BDKRB2: variants seen among roughly 807,000 people sequenced by gnomAD.
The protein encoded by BDKRB2 is B2 bradykinin receptor.
Under a neutral mutation model 4.0 loss-of-function variants are expected in BDKRB2, and 6 were observed. The observed-to-expected ratio is 1.49, with a 90% CI of 0.81 to 2.93. BDKRB2 has a LOEUF of 2.93. Among genes scored for constraint, BDKRB2 ranks in the 30% most tolerant of loss-of-function variants. The pLI, the probability that BDKRB2 is intolerant of heterozygous loss-of-function variation, is 0.00. For synonymous variants in BDKRB2, 225 were observed against 215.3 expected (o/e 1.05, Z -0.40); for missense variants, 478 against 520.1 (o/e 0.92, Z 0.79).
chr14:96,239,307 C>T, intron 2 of BDKRB2: 1 of 972,444 alleles, frequency 1.0e-6, no homozygotes, highest in Non-Finnish European at 1.2e-6. Context: ...AGGATGAGAG[C>T]AATACCCTAC....
chr14:96,240,417 A>G lies in BDKRB2; in HGVS notation c.89A>G (p.Asn30Ser). 1 of 1,459,424 alleles carries G rather than the reference A, an allele frequency of 6.9e-7. No individual in the cohort carries two copies. The highest frequency in any genetic ancestry group is 2.5e-5 in the East Asian group (1 of 40,766). The allele number at this position is 1,459,424 out of a possible 1,614,324, so 90.4% of individuals were successfully genotyped here. A position where few individuals can be genotyped will look rare whatever the true frequency, so the allele number is the denominator to read the frequency against. ...CTTTCTTTCAGCGCCGACATGCTCA[A>G]TGTCACCTTGCAAGGGCCCACTCTT... ...TTASFSADMLNVTLQGPTLNG... is the reference protein window; with the variant it reads ...TTASFSADMLSVTLQGPTLNG... The change falls in exon 3 of 3, where the codon AAT (asparagine) becomes AGT (serine). Residue 30 changes from asparagine to serine, a missense_variant. Coordinates refer to ENST00000554311, the MANE Select transcript of BDKRB2 (RefSeq NM_001379692.1).
intron 1 of BDKRB2, among the ~76,000 whole-genome samples, chr14:96,219,192 C>T (rs1245053906): frequency 6.6e-6 from 1 of 151,838 alleles, no homozygotes; most frequent in African/African-American, 2.4e-5. Flanking sequence ...ATCCCAGCTA[C>T]TCAGAAGGCT....
At position 96,243,085 on chromosome 14, in the gene BDKRB2, A is replaced by T. The variant is rs113227624; in HGVS notation, c.*1581A>T. 16,732 of 151,932 alleles carry T rather than the reference A, an allele frequency of 0.11. 1,224 individuals are homozygous for T. The highest frequency in any genetic ancestry group is 0.2 in the Middle Eastern group (59 of 296). 9.4% of individuals were successfully genotyped at this position (151,932 alleles called of 1,614,324 possible). ...GGGGCTAGAACCTAGAGAAGCTAAA[A>T]CCTGAGCTAGAAGCTGGAGGACTAG... On this transcript the variant is annotated 3_prime_UTR_variant, in exon 3 of 3. Coordinates refer to ENST00000554311, the MANE Select transcript of BDKRB2 (RefSeq NM_001379692.1).
Position 96,240,962 on chromosome 14 carries a change from G to A in BDKRB2, c.634G>A (p.Val212Ile), listed in dbSNP as rs199803197. Residue 212 changes from valine to isoleucine, a missense_variant, in exon 3 of 3, where the codon GTC (valine) becomes ATC (isoleucine). By Grantham distance (29) the Val-to-Ile change is conservative. Transcript: ENST00000554311. Reference protein sequence around the residue: ...SDEGHNVTACVISYPSLIWEV... With the variant: ...SDEGHNVTACIISYPSLIWEV... ...TGAGGGCCACAACGTCACCGCTTGT[G>A]TCATCAGCTACCCATCCCTCATCTG... 1 of 1,593,952 alleles carries A rather than the reference G, an allele frequency of 6.3e-7. No homozygotes were observed.
At position 96,241,327 on chromosome 14, in the gene BDKRB2, G is replaced by C; in HGVS notation, c.999G>C (p.Val333=). Residue 333 remains valine, a synonymous_variant, in exon 3 of 3, where the codon GTG becomes GTC. Transcript: ENST00000554311. Reference sequence around the variant, plus strand: ...GCTGCCTCAACCCACTGGTGTACGTGATCGTGGGCAAGCGCTTCCGAAAGA... The same window carrying C: ...GCTGCCTCAACCCACTGGTGTACGTCATCGTGGGCAAGCGCTTCCGAAAGA... ...SNSCLNPLVY[V]IVGKRFRKKS... is the part of the protein sequence containing the mutation. 8.1e-6 allele frequency: 13 copies of C among 1,614,024 alleles called. No homozygotes were observed. Among genetic ancestry groups the C allele is most frequent in the Non-Finnish European group, 9.3e-6 (11 of 1,179,944 alleles).
intron 1 of BDKRB2, among the ~76,000 whole-genome samples, chr14:96,229,221 T>C (rs1195690988): frequency 6.6e-6 from 1 of 152,094 alleles, no homozygotes; most frequent in African/African-American, 2.4e-5. Flanking sequence ...CTATAATAAA[T>C]GTTATAGAAG....
intron 1 of BDKRB2, among the ~76,000 whole-genome samples, chr14:96,216,827 A>C (rs995643243): frequency 6.6e-6 from 1 of 150,682 alleles, no homozygotes; most frequent in African/African-American, 2.4e-5. Context: ...GAGGAGGAGG[A>C]GATCCTACAG....
intron 1 of BDKRB2, among the ~76,000 whole-genome samples, chr14:96,205,476 A>C (rs1379093270): frequency 2.2e-5 from 3 of 139,432 alleles, no homozygotes; most frequent in Non-Finnish European, 4.6e-5. Flanking sequence ...GGGTTAAATC[A>C]GAAGCAGGCG....
At chr14:96,233,619 C>T (rs1444355208) in intron 1 of BDKRB2, 3 of 152,146 alleles carry the variant, frequency 2.0e-5, no homozygotes, top group East Asian at 3.9e-4. Context: ...GTAGCGTGCC[C>T]TGAATCATTG....
At chr14:96,222,128 C>T (rs1390918335) in intron 1 of BDKRB2, among the ~76,000 whole-genome samples, 1 of 152,052 alleles carries the variant, frequency 6.6e-6, no homozygotes. Context: ...CTCACAGCAT[C>T]AGGGAAACAT....
Position 96,224,006 on chromosome 14 carries a change from T to C in BDKRB2, c.-39-13063T>C, listed in dbSNP as rs115405809. 9.3e-3 allele frequency among the ~76,000 whole-genome samples: 1,412 copies of C among 152,250 alleles called. 34 individuals carry two copies. Among genetic ancestry groups the C allele is most frequent in the African/African-American group, 0.032 (1,341 of 41,486 alleles). On this transcript the variant is annotated intron_variant, in intron 1 of 2. Transcript: ENST00000554311. Reference sequence around the variant, plus strand: ...GATAGTTGATGCCATTTAGGAATTATTGTCAGTTTCTTCGAGATGTGATAA... The same window carrying C: ...GATAGTTGATGCCATTTAGGAATTACTGTCAGTTTCTTCGAGATGTGATAA...
In BDKRB2 at chr14:96,207,794, A is replaced by G. The variant is rs546991976; in HGVS notation, c.-40+2835A>G. On this transcript the variant is annotated intron_variant, in intron 1 of 2. Transcript: ENST00000554311. ...TCTTTAAAAAAAAAAAGGCACACAG[A>G]GCAGATCTGCATGTTGTTTTGAGGA... Among the ~76,000 whole-genome samples, 56 of 152,062 alleles carry G rather than the reference A, an allele frequency of 3.7e-4. No individual in the cohort carries two copies. The South Asian group carries it at 8.5e-3, about 23-fold the overall frequency.
intron 1 of BDKRB2, among the ~76,000 whole-genome samples, chr14:96,211,535 G>A (rs1466441001): frequency 6.6e-6 from 1 of 152,254 alleles, no homozygotes; most frequent in Admixed American, 6.5e-5. Flanking sequence ...GCCTGCAGAT[G>A]AGGGATCTGT....
In BDKRB2 at chr14:96,209,858, C is replaced by A. The variant is rs61211508; in HGVS notation, c.-40+4899C>A. Among the ~76,000 whole-genome samples the A allele has an allele frequency of 0.014, 2,109 of 152,104 alleles. 148 individuals carry two copies. In the East Asian group the frequency reaches 0.2, roughly 14 times the overall value. Reference sequence around the variant, plus strand: ...TAAAAATACAAAAACTAGCCAGGCACGGTGGTGCATGCCTGTAGTCCTAGC... The same window carrying A: ...TAAAAATACAAAAACTAGCCAGGCAAGGTGGTGCATGCCTGTAGTCCTAGC... On this transcript the variant is annotated intron_variant, in intron 1 of 2. Transcript: ENST00000554311.
intron 1 of BDKRB2, among the ~76,000 whole-genome samples, chr14:96,207,188 C>T (rs1458297001): frequency 1.3e-5 from 2 of 152,184 alleles, no homozygotes; most frequent in African/African-American, 4.8e-5. Flanking sequence ...TGTCTATCCG[C>T]TCAAGCTGCC....
chr14:96,218,353 G>C (rs1384184123), intron 1 of BDKRB2, among the ~76,000 whole-genome samples: 1 of 152,108 alleles, frequency 6.6e-6, no homozygotes, highest in African/African-American at 2.4e-5. Flanking sequence ...TTTTGCACTT[G>C]AGACCCCTAA....
At chr14:96,237,894 G>T in intron 2 of BDKRB2, 1 of 1,278,362 alleles carries the variant, frequency 7.8e-7, no homozygotes, top group Non-Finnish European at 1.0e-6. Flanking sequence ...AAATTAATAA[G>T]CAGCATCTGG....
intron 1 of BDKRB2, among the ~76,000 whole-genome samples, chr14:96,213,115 C>T (rs561332327): frequency 2.0e-5 from 3 of 152,270 alleles, no homozygotes; most frequent in East Asian, 3.9e-4. Flanking sequence ...CTGACCTCTC[C>T]GAACCTCTCC....
At chr14:96,218,820 G>C (rs1309341927) in intron 1 of BDKRB2, among the ~76,000 whole-genome samples, 1 of 152,040 alleles carries the variant, frequency 6.6e-6, no homozygotes, top group Non-Finnish European at 1.5e-5. Flanking sequence ...TAGGAAGGCT[G>C]AGGCAGGATA....
Sources: gnomAD v4.1 joint callset for allele counts (sites outside exome capture counted in the v4.1 genomes callset) on GRCh38, gnomAD v4.1.1 for gene constraint, MANE v1.5 for transcripts, NCBI Gene and HGNC (gene_info 2026-07-23, HGNC 2026-07-21) for gene names.